Variants in ZNF407 observed in about 807,000 individuals in gnomAD.
The protein encoded by ZNF407 is zinc finger protein 407.
Under a neutral mutation model 131.2 loss-of-function variants are expected in ZNF407, and 17 were observed. The observed-to-expected ratio is 0.13, with a 90% confidence interval of 0.09 to 0.19. The LOEUF (loss-of-function observed/expected upper bound fraction) is 0.19, where lower values mean the gene tolerates loss of function less well. ZNF407 is among the 10% of genes least tolerant of loss of function. The pLI is 1.00. For synonymous variants in ZNF407, 1,156 were observed against 1,062.0 expected (o/e 1.09, Z -1.72); for missense variants, 2,681 against 2,830.6 (o/e 0.95, Z 1.20).
At chr18:74,823,397 A>G (rs1040247295) in intron 4 of ZNF407, among the ~76,000 whole-genome samples, 2 of 152,358 alleles carry the variant, frequency 1.3e-5, no homozygotes, top group East Asian at 1.9e-4. Flanking sequence ...AAATGCCCCA[A>G]TTAAAAAACA....
intron 8 of ZNF407, among the ~76,000 whole-genome samples, chr18:74,938,729 T>C (rs2404483): frequency 0.13 from 20,052 of 152,194 alleles, 1,567 homozygotes; most frequent in Admixed American, 0.26. Flanking sequence ...GGAAGGAAAA[T>C]GCTGACCCAT....
intron 1 of ZNF407, among the ~76,000 whole-genome samples, chr18:74,609,042 G>A (rs562820061): frequency 3.6e-4 from 55 of 152,168 alleles, no homozygotes; most frequent in Admixed American, 9.2e-4. Flanking sequence ...TTAACTGTGG[G>A]GTATTTCATA....
At chr18:74,691,561 CTT>C (rs1967224017) in intron 3 of ZNF407, among the ~76,000 whole-genome samples, 1 of 151,518 alleles carries the variant, frequency 6.6e-6, no homozygotes, top group Non-Finnish European at 1.5e-5. Context: ...GATTTGTACT[CTT>C]TATTATTCCT....
chr18:74,941,128 A>T (rs1021995993), intron 8 of ZNF407, among the ~76,000 whole-genome samples: 1 of 151,796 alleles, frequency 6.6e-6, no homozygotes, highest in Non-Finnish European at 1.5e-5. Context: ...TGACTGCTTG[A>T]CTCAAGACTT....
At chr18:75,035,978 A>AG (rs1973303603) in intron 8 of ZNF407, among the ~76,000 whole-genome samples, 2 of 152,248 alleles carry the variant, frequency 1.3e-5, no homozygotes, top group Admixed American at 1.3e-4. Context: ...CAGAGGTGGC[A>AG]GGAATGGGTG....
At chr18:74,856,398 G>T (rs1316571966) in intron 4 of ZNF407, among the ~76,000 whole-genome samples, 2 of 152,108 alleles carry the variant, frequency 1.3e-5, no homozygotes, top group Non-Finnish European at 2.9e-5. Context: ...AAACATTTAT[G>T]ACTATAAATT....
chr18:74,781,481 G>T lies in ZNF407; in HGVS notation c.4856G>T (p.Gly1619Val), dbSNP rs866147148. ...HLNTHLLGKH[G>V]VGTPKERKFT... The stretch of plus-strand genomic sequence containing the variant: ...AATACTCATCTACTAGGCAAGCATG[G>T]AGTTGGCACCCCAAAAGAAAGGTAA... Residue 1619 changes from glycine to valine, a missense_variant, in exon 4 of 9, where the codon GGA (glycine) becomes GTA (valine). Coordinates refer to ENST00000299687, the MANE Select transcript of ZNF407 (RefSeq NM_017757.3). The T allele has an allele frequency of 6.5e-7, 1 of 1,534,554 alleles. No homozygotes were observed. The highest frequency in any genetic ancestry group is 2.5e-5 in the East Asian group (1 of 40,744).
intron 3 of ZNF407, among the ~76,000 whole-genome samples, chr18:74,777,224 T>A (rs906864677): frequency 2.6e-5 from 4 of 152,304 alleles, no homozygotes; most frequent in African/African-American, 9.6e-5. Flanking sequence ...AAATAAGATT[T>A]TTTTTTTTAA....
chr18:74,700,802 G>T (rs1967474466), intron 3 of ZNF407, among the ~76,000 whole-genome samples: 1 of 152,042 alleles, frequency 6.6e-6, no homozygotes, highest in Non-Finnish European at 1.5e-5. Flanking sequence ...GAAAGTACTG[G>T]TTTGCTTCTG....
chr18:74,874,987 G>A (rs995031886), intron 4 of ZNF407, among the ~76,000 whole-genome samples: 5 of 152,118 alleles, frequency 3.3e-5, no homozygotes, highest in South Asian at 2.1e-4. Context: ...CTCAGGTTTC[G>A]CCCAGGGCTC....
chr18:74,668,403 A>C (rs1228659375), intron 3 of ZNF407, among the ~76,000 whole-genome samples: 1 of 152,236 alleles, frequency 6.6e-6, no homozygotes, highest in Non-Finnish European at 1.5e-5. Context: ...TGTACTAAAA[A>C]ATAAATAATT....
intron 3 of ZNF407, among the ~76,000 whole-genome samples, chr18:74,764,644 G>A (rs569098010): frequency 6.6e-6 from 1 of 152,330 alleles, no homozygotes; most frequent in South Asian, 2.1e-4. Context: ...ATGGGAGGAT[G>A]TGCATAGGTT....
At chr18:74,730,107 C>T (rs147561226) in intron 3 of ZNF407, among the ~76,000 whole-genome samples, 53 of 152,212 alleles carry the variant, frequency 3.5e-4, no homozygotes, top group African/African-American at 1.2e-3. Flanking sequence ...GGGACAGCAC[C>T]AATGAGATCA....
At chr18:74,832,913 A>G (rs1568234389) in intron 4 of ZNF407, among the ~76,000 whole-genome samples, 1 of 152,200 alleles carries the variant, frequency 6.6e-6, no homozygotes, top group East Asian at 1.9e-4. Flanking sequence ...AAAACTATCA[A>G]TGGAAAAGGA....
At chr18:74,735,899 A>C (rs1030138368) in intron 3 of ZNF407, among the ~76,000 whole-genome samples, 2 of 152,226 alleles carry the variant, frequency 1.3e-5, no homozygotes, top group Non-Finnish European at 1.5e-5. Flanking sequence ...CTTAGTTGAC[A>C]TTAGCTGAAA....
At position 74,823,479 on chromosome 18, in the gene ZNF407, A is replaced by G. The variant is rs556562273; in HGVS notation, c.4877+41977A>G. On this transcript the variant is annotated intron_variant, in intron 4 of 8. Transcript: ENST00000299687. ...ATTCAGGAGACCTATCTCACATGCA[A>G]AAACACACAGAAGTTCAAAATAAAG... 1.4e-4 allele frequency among the ~76,000 whole-genome samples: 21 copies of G among 152,296 alleles called. 1 individual carries two copies. Among genetic ancestry groups the G allele is most frequent in the African/African-American group, 3.4e-4 (14 of 41,570 alleles).
chr18:74,607,702 T>C (rs995309449), intron 1 of ZNF407, among the ~76,000 whole-genome samples: 1 of 151,002 alleles, frequency 6.6e-6, no homozygotes, highest in Non-Finnish European at 1.5e-5. Context: ...TCTGTACTTT[T>C]CTTTGTTATT....
At chr18:74,815,138 C>G (rs916231481) in intron 4 of ZNF407, among the ~76,000 whole-genome samples, 3 of 151,794 alleles carry the variant, frequency 2.0e-5, no homozygotes, top group African/African-American at 7.3e-5. Flanking sequence ...ACCTACCAAA[C>G]AAAGAAAATG....
intron 1 of ZNF407, among the ~76,000 whole-genome samples, chr18:74,604,091 G>C (rs1982695974): frequency 6.6e-6 from 1 of 152,144 alleles, no homozygotes; most frequent in Non-Finnish European, 1.5e-5. Flanking sequence ...CATCATTAGT[G>C]GATGGGAATG....
Sources: allele counts gnomAD v4.1 joint callset (sites outside exome capture counted in the v4.1 genomes callset), GRCh38; gene constraint gnomAD v4.1.1; transcripts MANE v1.5; gene names NCBI Gene and HGNC (gene_info 2026-07-23, HGNC 2026-07-21).